The following ZFYVE21 variants were observed in gnomAD, a reference collection of about 807,000 sequenced individuals.
ZFYVE21 encodes the protein zinc finger FYVE-type containing 21.
A neutral mutation model predicts 29.5 loss-of-function variants in ZFYVE21; 21 were observed. The observed-to-expected ratio is 0.71, with a 90% CI of 0.50 to 1.02. The LOEUF (loss-of-function observed/expected upper bound fraction) is 1.02. Among genes scored for constraint, ZFYVE21 ranks in the 50% least tolerant of loss-of-function variants. ZFYVE21 has a pLI of 0.00. For synonymous variants in ZFYVE21, 151 were observed against 133.8 expected, an observed-to-expected ratio of 1.13 and a Z score of -0.89; for missense variants, 326 against 335.4, an observed-to-expected ratio of 0.97 and a Z score of 0.22.
intron 1 of ZFYVE21, among the ~76,000 whole-genome samples, chr14:103,722,744 G>A (rs563333723): frequency 2.6e-4 from 39 of 152,138 alleles, no homozygotes; most frequent in African/African-American, 5.8e-4. Flanking sequence ...ACGTGAACCC[G>A]GGAGGCGGAG....
At chr14:103,731,588 C>T (rs763174399) in intron 5 of ZFYVE21, 6 of 152,180 alleles carry the variant, frequency 3.9e-5, no homozygotes, top group Non-Finnish European at 8.8e-5. Context: ...GCCTGGGCAA[C>T]AAGAGCAAAG....
chr14:103,722,681 T>C (rs188516481), intron 1 of ZFYVE21, among the ~76,000 whole-genome samples: 1,909 of 152,018 alleles, frequency 0.013, 22 homozygotes, highest in Non-Finnish European at 0.018. Flanking sequence ...TAGCTGGGCG[T>C]GGTGGCGGGC....
chr14:103,721,338 G>A (rs990451036), intron 1 of ZFYVE21, among the ~76,000 whole-genome samples: 3 of 152,212 alleles, frequency 2.0e-5, no homozygotes, highest in Non-Finnish European at 2.9e-5. Flanking sequence ...ACTGGGAGCC[G>A]TCTGCATGCA....
At chr14:103,732,372 G>C (rs542791533) in intron 5 of ZFYVE21, 2 of 391,864 alleles carry the variant, frequency 5.1e-6, no homozygotes, top group African/African-American at 2.6e-5. Context: ...CTTGTTGTTT[G>C]TCCCGGGCCC....
intron 5 of ZFYVE21, chr14:103,729,765 C>A: frequency 6.5e-7 from 1 of 1,536,454 alleles, no homozygotes; most frequent in Non-Finnish European, 8.7e-7. Context: ...CTCCTTCTCG[C>A]CACTGCCTGC....
At chr14:103,730,630 C>T (rs1449734243) in intron 5 of ZFYVE21, 1 of 152,522 alleles carries the variant, frequency 6.6e-6, no homozygotes, top group Non-Finnish European at 1.5e-5. Flanking sequence ...TCTGCCCAGT[C>T]TCAGTAGAGC....
chr14:103,721,026 A>G (rs1028405296), intron 1 of ZFYVE21, among the ~76,000 whole-genome samples: 2 of 151,806 alleles, frequency 1.3e-5, no homozygotes, highest in Non-Finnish European at 2.9e-5. Context: ...GGGTTGTGCT[A>G]TGTTGCTCAG....
intron 5 of ZFYVE21, chr14:103,730,108 C>T: frequency 2.0e-6 from 1 of 504,024 alleles, no homozygotes; most frequent in Non-Finnish European, 3.5e-6. Flanking sequence ...CTGTCAGTAC[C>T]TGCCAGCCCT....
intron 1 of ZFYVE21, among the ~76,000 whole-genome samples, chr14:103,717,833 T>A (rs2083840295): frequency 6.6e-6 from 1 of 152,266 alleles, no homozygotes; most frequent in South Asian, 2.1e-4. Context: ...ACTTTGTCTC[T>A]GAGTTTTGCG....
At position 103,726,986 on chromosome 14, in the gene ZFYVE21, C is replaced by T. The variant is rs543412168; in HGVS notation, c.189+144C>T. 54 of 786,176 alleles carry T rather than the reference C, an allele frequency of 6.9e-5. 1 individual carries two copies. The South Asian group carries it at 9.1e-4, about 13-fold the overall frequency. 48.7% of individuals were successfully genotyped at this position (786,176 alleles called of 1,614,324 possible). ...TTGAGACGGAGTTTCGCTCTTGTCG[C>T]CCAGGCTGGAGTGCAGTGGCTCCAT... On this transcript the variant is annotated intron_variant, in intron 2 of 6. Coordinates refer to ENST00000311141, the MANE Select transcript of ZFYVE21 (RefSeq NM_024071.4).
At chr14:103,732,556 G>C in intron 5 of ZFYVE21, 64 bp from the exon 6 acceptor site, 1 of 1,505,354 alleles carries the variant, frequency 6.6e-7, no homozygotes, top group East Asian at 2.3e-5. Flanking sequence ...CCGCCTTGGG[G>C]CTGGTGGCCG....
intron 1 of ZFYVE21, among the ~76,000 whole-genome samples, chr14:103,717,731 A>G (rs1039062891): frequency 7.9e-5 from 12 of 151,872 alleles, no homozygotes; most frequent in African/African-American, 2.7e-4. Flanking sequence ...GCCCCCCACC[A>G]TGTTTGGATG....
chr14:103,716,276 G>A lies in ZFYVE21; in HGVS notation c.138+297G>A, dbSNP rs936382814. 7.9e-5 allele frequency among the ~76,000 whole-genome samples: 12 copies of A among 152,244 alleles called. No individual in the cohort carries two copies. Among genetic ancestry groups the A allele is most frequent in the African/African-American group, 2.4e-4 (10 of 41,568 alleles). ...GGGGTGCGGGGCGCGGGCTGGTCCC[G>A]GGGGTGGGTGCGGCCCTGCCCGAGG... On this transcript the variant is annotated intron_variant, in intron 1 of 6. Transcript: ENST00000311141. The surrounding 1 kb of genome is among the most constrained non-coding windows in gnomAD (Gnocchi z 4.8).
intron 5 of ZFYVE21, 132 bp from the exon 6 acceptor site, chr14:103,732,488 A>G (rs939463036): frequency 4.3e-6 from 5 of 1,151,760 alleles, no homozygotes; most frequent in Non-Finnish European, 5.9e-6. Context: ...GCTCCTGAGC[A>G]CCAGCCCTCA....
chr14:103,727,371 CCT>C (rs2083937640), intron 2 of ZFYVE21: 1 of 353,360 alleles, frequency 2.8e-6, no homozygotes, highest in African/African-American at 2.2e-5. Flanking sequence ...CCCCCCGCCC[CCT>C]CTGCCCCCTC....
chr14:103,724,841 C>T (rs546904443), intron 1 of ZFYVE21: 1 of 152,362 alleles, frequency 6.6e-6, no homozygotes, highest in Admixed American at 6.5e-5. Context: ...CACCTTGTTT[C>T]ATCCTTACCA....
chr14:103,730,774 C>T (rs2083966519), intron 5 of ZFYVE21: 1 of 152,408 alleles, frequency 6.6e-6, no homozygotes, highest in African/African-American at 2.4e-5. Context: ...TCTTTCAAGG[C>T]CAGATAGTAA....
Position 103,727,786 on chromosome 14 carries a change from G to T in ZFYVE21, c.230G>T (p.Cys77Phe). 1 of 1,611,874 alleles carries T rather than the reference G, an allele frequency of 6.2e-7. No individual in the cohort carries two copies. Residue 77 changes from cysteine (C) to phenylalanine (F), a missense_variant, in exon 3 of 7, where the codon TGC becomes TTC. Transcript: ENST00000311141. ...RRCGKCFCDR[C>F]CSQKVPLRRM... ...TGCGGGAAGTGCTTCTGCGACAGGT[G>T]CTGCAGCCAGAAGGTGCCGCTGCGG...
At chr14:103,726,360 G>C (rs1322474863) in intron 1 of ZFYVE21, 1 of 157,792 alleles carries the variant, frequency 6.3e-6, no homozygotes, top group African/African-American at 2.4e-5. Context: ...CCTGGTTTAG[G>C]GGTTTAGGTT....
Sources: allele counts gnomAD v4.1 joint callset (sites outside exome capture counted in the v4.1 genomes callset), GRCh38; gene constraint gnomAD v4.1.1; non-coding constraint Gnocchi (gnomAD v3.1); transcripts MANE v1.5; gene names NCBI Gene and HGNC (gene_info 2026-07-23, HGNC 2026-07-21).